The following DNAH12 variants were observed in gnomAD, a reference collection of about 807,000 sequenced individuals.
DNAH12 encodes axonemal beta dynein heavy chain 12.
Under a neutral mutation model 371.5 loss-of-function variants are expected in DNAH12, and 285 were observed. The observed-to-expected ratio is 0.77, with a 90% CI of 0.70 to 0.85. The LOEUF (loss-of-function observed/expected upper bound fraction) is 0.85. DNAH12 is among the 40% of genes least tolerant of loss of function. DNAH12 has a pLI of 0.00. For synonymous variants in DNAH12, 1,200 were observed against 1,213.0 expected (o/e 0.99, Z 0.22); for missense variants, 3,611 against 3,689.4 (o/e 0.98, Z 0.55).
chr3:57,496,544 A>C (rs2067329909), intron 11 of DNAH12, among the ~76,000 whole-genome samples: 1 of 152,228 alleles, frequency 6.6e-6, no homozygotes, highest in Non-Finnish European at 1.5e-5. Context: ...GCATCTACCA[A>C]AAACCCTACT....
intron 2 of DNAH12, among the ~76,000 whole-genome samples, chr3:57,537,174 A>G (rs961946455): frequency 6.6e-6 from 1 of 152,186 alleles, no homozygotes; most frequent in African/African-American, 2.4e-5. Flanking sequence ...AGCCTGGGCA[A>G]AAGAGTGAGA....
Position 57,446,722 on chromosome 3 carries a change from A to C in DNAH12, c.3787-33T>G, listed in dbSNP as rs747286117. The C allele has an allele frequency of 2.6e-4, 379 of 1,439,698 alleles. 1 individual carries two copies. Among genetic ancestry groups the C allele is most frequent in the Non-Finnish European group, 3.3e-4 (354 of 1,088,044 alleles). The allele number at this position is 1,439,698 out of a possible 1,614,324, so 89.2% of individuals were successfully genotyped here. On this transcript the variant is annotated intron_variant, in intron 25 of 73. Coordinates refer to ENST00000495027, the MANE Select transcript of DNAH12 (RefSeq NM_001366028.2). Reference sequence around the variant, plus strand: ...GAAAAACACATGTGAAAAGAAATCCATGCTTAAATTTAAAAAAACAACAGA... The same window carrying C: ...GAAAAACACATGTGAAAAGAAATCCCTGCTTAAATTTAAAAAAACAACAGA...
chr3:57,446,784 C>T (rs2065514723), intron 25 of DNAH12, 95 bp from the exon 26 acceptor site: 2 of 1,204,664 alleles, frequency 1.7e-6, no homozygotes, highest in African/African-American at 3.1e-5. Flanking sequence ...TGTTCTGTAG[C>T]TTCAGAGAAG....
At chr3:57,449,302 G>T (rs573081148) in intron 25 of DNAH12, among the ~76,000 whole-genome samples, 2 of 152,294 alleles carry the variant, frequency 1.3e-5, no homozygotes, top group African/African-American at 2.4e-5. Context: ...TCCCACACCC[G>T]GGCTGCAGGT....
chr3:57,480,288 A>G (rs2066692408), intron 13 of DNAH12, among the ~76,000 whole-genome samples: 1 of 152,224 alleles, frequency 6.6e-6, no homozygotes, highest in Non-Finnish European at 1.5e-5. Flanking sequence ...GAATACTATA[A>G]ACACCTCTAC....
rs891979735 is a variant in DNAH12 at position 57,520,001 on chromosome 3, C to T, written c.279+3582G>A. On this transcript the variant is annotated intron_variant, in intron 4 of 73. Transcript: ENST00000495027. ...GCGTAGGGTTCCTCGCCGTCTTCCA[C>T]GTCGGCCATGGTAGCGCCGCGGAGC... is the stretch of plus-strand genomic sequence containing the variant. 5.1e-6 allele frequency: 4 copies of T among 783,214 alleles called. No homozygotes were observed. The African/African-American group carries it at 5.2e-5, about 10-fold the overall frequency. 48.5% of individuals were successfully genotyped at this position (783,214 alleles called of 1,614,324 possible).
chr3:57,371,965 A>AAAAAAAAAAAAAAAAAAAAAAAAAT (rs1366790985), intron 55 of DNAH12, among the ~76,000 whole-genome samples: 1 of 142,578 alleles, frequency 7.0e-6, no homozygotes, highest in African/African-American at 2.6e-5. Flanking sequence ...AAAAAAAAAA[A>AAAAAAAAAAAAAAAAAAAAAAAAAT]TTCTTTCAAA....
chr3:57,490,413 T>G (rs2067076266), intron 11 of DNAH12, among the ~76,000 whole-genome samples: 1 of 152,212 alleles, frequency 6.6e-6, no homozygotes, highest in Non-Finnish European at 1.5e-5. Context: ...TGTCAACTTC[T>G]TAGTGCCCAA....
Position 57,502,436 on chromosome 3 carries a change from G to C in DNAH12, c.1130C>G (p.Pro377Arg). The change falls in exon 10 of 74, where the codon CCA becomes CGA. Residue 377 changes from proline to arginine, a missense_variant. Physicochemically the swap from Pro to Arg is moderately radical, Grantham distance 103 (BLOSUM62 -2). Coordinates refer to ENST00000495027, the MANE Select transcript of DNAH12 (RefSeq NM_001366028.2). ...IPSWLSGTST[P>R]VNLDTELPEH... ...AGGAAGTTCTGTGTCAAGATTTACTGGTGTTGAAGTTCCTGATAGCCAAGA... is the reference window on the plus strand; with the variant it reads ...AGGAAGTTCTGTGTCAAGATTTACTCGTGTTGAAGTTCCTGATAGCCAAGA... 1.9e-6 allele frequency: 3 copies of C among 1,614,066 alleles called. No individual in the cohort carries two copies. The highest frequency in any genetic ancestry group is 1.1e-5 in the South Asian group (1 of 91,082).
intron 11 of DNAH12, among the ~76,000 whole-genome samples, chr3:57,500,296 C>T (rs375338674): frequency 1.3e-5 from 2 of 152,124 alleles, no homozygotes; most frequent in East Asian, 1.9e-4. Context: ...CCGCCTTGGC[C>T]TCCTAAAGTG....
At chr3:57,413,597 G>T (rs76150768) in intron 39 of DNAH12, 149 bp downstream of exon 39, 7 of 871,678 alleles carry the variant, frequency 8.0e-6, no homozygotes, top group East Asian at 2.7e-5. Flanking sequence ...TAGTCTTTTC[G>T]AAATATATTA....
chr3:57,501,198 A>C, intron 11 of DNAH12, 123 bp downstream of exon 11: 2 of 709,858 alleles, frequency 2.8e-6, no homozygotes, highest in Non-Finnish European at 4.6e-6. Context: ...TAAGACAATG[A>C]GTTTTACTGA....
At chr3:57,401,110 TAAAC>T (rs1477172342) in intron 43 of DNAH12, among the ~76,000 whole-genome samples, 31 of 152,278 alleles carry the variant, frequency 2.0e-4, no homozygotes, top group Non-Finnish European at 4.0e-4. Context: ...ATTTAATTGT[TAAAC>T]AACCAGTAAG....
chr3:57,444,448 T>C (rs993661320), intron 29 of DNAH12, among the ~76,000 whole-genome samples: 2 of 152,016 alleles, frequency 1.3e-5, no homozygotes, highest in African/African-American at 4.8e-5. Context: ...CATCTCAGCC[T>C]CCCAGAGTCC....
intron 60 of DNAH12, among the ~76,000 whole-genome samples, chr3:57,338,507 C>G (rs1553654711): frequency 6.6e-6 from 1 of 151,110 alleles, no homozygotes; most frequent in African/African-American, 2.4e-5. Flanking sequence ...GTGCCTCTGC[C>G]CGGCCGCCCT....
chr3:57,485,620 T>C (rs1242431557), intron 12 of DNAH12, among the ~76,000 whole-genome samples: 5 of 152,018 alleles, frequency 3.3e-5, no homozygotes, highest in Middle Eastern at 3.2e-3. Flanking sequence ...AGGCTGGTCT[T>C]GAACTCCTGA....
rs368757579 is a variant in DNAH12, at chr3:57,421,902, C to CTTTTTT, written c.5374-202_5374-197dup. On this transcript the variant is annotated intron_variant, in intron 35 of 73. Coordinates refer to ENST00000495027, the MANE Select transcript of DNAH12 (RefSeq NM_001366028.2). ...AATTTTTATCAAAATGTTTGCATGT[C>CTTTTTT]TTTTTTTTTTTTTTTTTTTTTGAGA... is the stretch of plus-strand genomic sequence containing the variant. Among the ~76,000 whole-genome samples, 57 of 98,524 alleles carry CTTTTTT rather than the reference C, an allele frequency of 5.8e-4. 4 individuals are homozygous for CTTTTTT. The highest frequency in any genetic ancestry group is 7.8e-4 in the African/African-American group (16 of 20,618). 64.6% of individuals were successfully genotyped at this position (98,524 alleles called of 152,430 possible). A position where few individuals can be genotyped will look rare whatever the true frequency, so the allele number is the denominator to read the frequency against.
In DNAH12 at chr3:57,310,756, A is replaced by T. The variant is rs1413890535; in HGVS notation, c.10857T>A (p.Pro3619=). 1 of 1,551,512 alleles carries T rather than the reference A, an allele frequency of 6.4e-7. No homozygotes were observed. The highest frequency in any genetic ancestry group is 8.7e-7 in the Non-Finnish European group (1 of 1,146,952). Reference sequence around the variant, plus strand: ...TGTAGTCCTCATAAGTGCCTTTAGGAGGTGCAAAATAGTTTCCACTGGGAG... The same window carrying T: ...TGTAGTCCTCATAAGTGCCTTTAGGTGGTGCAAAATAGTTTCCACTGGGAG... ...KFSPSGNYFA[P]PKGTYEDYIE... is the part of the protein sequence containing the mutation. The change falls in exon 67 of 74, where the codon CCT becomes CCA. Residue 3619 remains proline, a synonymous_variant. Coordinates refer to ENST00000495027, the MANE Select transcript of DNAH12 (RefSeq NM_001366028.2).
chr3:57,461,453 T>C, intron 19 of DNAH12, 36 bp downstream of exon 19: 33 of 1,544,676 alleles, frequency 2.1e-5, no homozygotes, highest in African/African-American at 2.7e-5. Context: ...GCAATCCGTA[T>C]AAATGACCAA....
Sources: gnomAD v4.1 joint callset for allele counts (sites outside exome capture counted in the v4.1 genomes callset) on GRCh38, gnomAD v4.1.1 for gene constraint, MANE v1.5 for transcripts, NCBI Gene and HGNC (gene_info 2026-07-23, HGNC 2026-07-21) for gene names.